Variants in MYH10 observed in about 807,000 individuals in gnomAD.
The protein encoded by MYH10 is myosin heavy chain 10.
A neutral mutation model predicts 257.8 loss-of-function variants in MYH10; 55 were observed. The ratio of observed to expected loss-of-function variants is 0.21; its 90% CI spans 0.17 to 0.27. MYH10 has a LOEUF of 0.27. Ranked by LOEUF, MYH10 falls within the 10% of genes least tolerant of loss-of-function variation. The pLI, the probability that MYH10 is intolerant of heterozygous loss-of-function variation, is 1.00. For synonymous variants in MYH10, 854 were observed against 921.7 expected, an observed-to-expected ratio of 0.93 and a Z score of 1.33; for missense variants, 1,631 against 2,500.6, an observed-to-expected ratio of 0.65 and a Z score of 7.42.
chr17:8,562,133 C>T (rs2151984301), intron 7 of MYH10, among the ~76,000 whole-genome samples: 1 of 152,332 alleles, frequency 6.6e-6, no homozygotes, highest in South Asian at 2.1e-4. Flanking sequence ...AGATATTTTA[C>T]AAGACATAGC....
intron 2 of MYH10, among the ~76,000 whole-genome samples, chr17:8,615,271 C>G (rs2085213654): frequency 6.6e-6 from 1 of 151,020 alleles, no homozygotes; most frequent in Non-Finnish European, 1.5e-5. Flanking sequence ...GAGTGAGAAC[C>G]TATCTCAAAA....
chr17:8,480,374 C>G, intron 39 of MYH10, 28 bp downstream of exon 39: 1 of 1,613,206 alleles, frequency 6.2e-7, no homozygotes, highest in Non-Finnish European at 8.5e-7. Flanking sequence ...ACAGCCCTCC[C>G]TGGGTGACGG....
At chr17:8,577,180 T>C in intron 5 of MYH10, 56 bp downstream of exon 5, 1 of 1,425,980 alleles carries the variant, frequency 7.0e-7, no homozygotes, top group East Asian at 2.3e-5. Context: ...CTTATTTTTG[T>C]TTCTGAAATT....
At chr17:8,584,577 T>C (rs965850407) in intron 4 of MYH10, among the ~76,000 whole-genome samples, 3 of 152,142 alleles carry the variant, frequency 2.0e-5, no homozygotes, top group African/African-American at 7.2e-5. Context: ...AGTTATAGTG[T>C]CTAGTGTATG....
Position 8,591,921 on chromosome 17 carries a change from G to A in MYH10, c.503-2813C>T, listed in dbSNP as rs1393886144. On this transcript the variant is annotated intron_variant, in intron 3 of 42. Transcript: ENST00000360416. ...CCTCCCAGATTCTCTCCAACTCTGT[G>A]ATCAACTCCCCACCTCTGCTTCACT... Among the ~76,000 whole-genome samples, 3 of 152,298 alleles carry A rather than the reference G, an allele frequency of 2.0e-5. 1 individual carries two copies. Among genetic ancestry groups the A allele is most frequent in the South Asian group, 4.2e-4 (2 of 4,814 alleles).
intron 7 of MYH10, among the ~76,000 whole-genome samples, chr17:8,566,125 C>G (rs1160954969): frequency 6.6e-6 from 1 of 152,120 alleles, no homozygotes; most frequent in African/African-American, 2.4e-5. Context: ...CCCAGTTAAA[C>G]AAAGAAAGAT....
At chr17:8,579,286 A>T (rs956430737) in intron 4 of MYH10, among the ~76,000 whole-genome samples, 6 of 152,164 alleles carry the variant, frequency 3.9e-5, no homozygotes, top group African/African-American at 7.2e-5. Context: ...CTAAAAAAAA[A>T]AAAAAAATTG....
At chr17:8,520,856 A>T in intron 19 of MYH10, 22 bp downstream of exon 19, 2 of 1,582,442 alleles carry the variant, frequency 1.3e-6, no homozygotes, top group South Asian at 2.3e-5. Context: ...ACATAAGCAA[A>T]AAAAGTAAAA....
At chr17:8,568,731 G>C (rs1473707975) in intron 7 of MYH10, among the ~76,000 whole-genome samples, 1 of 152,022 alleles carries the variant, frequency 6.6e-6, no homozygotes, top group Non-Finnish European at 1.5e-5. Context: ...AGGAATGTCC[G>C]TTGTGTTGAA....
At chr17:8,514,091 C>G (rs2081384666) in intron 21 of MYH10, among the ~76,000 whole-genome samples, 197 bp from the exon 22 acceptor site, 1 of 152,166 alleles carries the variant, frequency 6.6e-6, no homozygotes, top group African/African-American at 2.4e-5. Flanking sequence ...GCCTGCTCAG[C>G]CCACCTCAGG....
chr17:8,540,131 A>G (rs1030654098), intron 14 of MYH10, among the ~76,000 whole-genome samples: 13 of 152,194 alleles, frequency 8.5e-5, no homozygotes, highest in Admixed American at 7.2e-4. Context: ...CCGAGACTAC[A>G]GGCACATGCC....
At chr17:8,485,560 A>G (rs574060603) in intron 36 of MYH10, among the ~76,000 whole-genome samples, 15 of 152,150 alleles carry the variant, frequency 9.9e-5, no homozygotes, top group African/African-American at 3.6e-4. Context: ...TTTCAACTCA[A>G]TAATTAAAAG....
chr17:8,602,630 G>T (rs1319561839), intron 3 of MYH10, among the ~76,000 whole-genome samples: 1 of 152,124 alleles, frequency 6.6e-6, no homozygotes, highest in Non-Finnish European at 1.5e-5. Context: ...TTCATTTTCT[G>T]TATCAAACTT....
At chr17:8,607,817 A>AAAAGAG (rs1276354785) in intron 2 of MYH10, among the ~76,000 whole-genome samples, 1 of 152,220 alleles carries the variant, frequency 6.6e-6, no homozygotes, top group Non-Finnish European at 1.5e-5. Context: ...CAAAGCACCA[A>AAAAGAG]AAAGAGAAAG....
At chr17:8,486,139 G>A (rs549149488) in intron 36 of MYH10, among the ~76,000 whole-genome samples, 55 of 152,316 alleles carry the variant, frequency 3.6e-4, no homozygotes, top group African/African-American at 1.1e-3. Context: ...TATAGAGACT[G>A]AAAGATTAGT....
Position 8,513,858 on chromosome 17 carries a change from T to C in MYH10, c.2541A>G (p.Leu847=), listed in dbSNP as rs2081376817. 6.2e-7 allele frequency: 1 copy of C among 1,614,118 alleles called. No homozygotes were observed. The highest frequency in any genetic ancestry group is 1.3e-5 in the African/African-American group (1 of 74,948). Residue 847 remains leucine, a synonymous_variant, in exon 22 of 43, where the codon TTA becomes TTG. Coordinates refer to ENST00000360416, the MANE Select transcript of MYH10 (RefSeq NM_001256012.3). ...FAKKQQQLSA[L]KVLQRNCAAY... ...CGGCACAGTTCCGCTGCAAGACCTT[T>C]AAGGCACTTAGTTGCTGCTGCTTCT...
intron 40 of MYH10, 122 bp from the exon 41 acceptor site, chr17:8,478,568 C>G: frequency 1.2e-6 from 1 of 836,204 alleles, no homozygotes; most frequent in Non-Finnish European, 1.9e-6. Context: ...ATGGACCTCT[C>G]TGTCCAGAAT....
At chr17:8,557,126 A>G (rs1394204303) in intron 7 of MYH10, among the ~76,000 whole-genome samples, 1 of 152,140 alleles carries the variant, frequency 6.6e-6, no homozygotes, top group Non-Finnish European at 1.5e-5. Context: ...AAAAATGAGT[A>G]GTCAGTTTGG....
Position 8,478,234 on chromosome 17 carries a change from A to G in MYH10, c.5706+104T>C. On this transcript the variant is annotated intron_variant, in intron 41 of 42. Transcript: ENST00000360416. The stretch of plus-strand genomic sequence containing the variant: ...AACAGCCCACGTTAGCTGAAACATC[A>G]GAATCGGGAGGGCCCTGAATTCCAC... 4 of 976,864 alleles carry G rather than the reference A, an allele frequency of 4.1e-6. No homozygotes were observed. The South Asian group carries it at 5.7e-5, about 14-fold the overall frequency. The allele number at this position is 976,864 out of a possible 1,614,324, so 60.5% of individuals were successfully genotyped here.
Sources: allele counts gnomAD v4.1 joint callset (sites outside exome capture counted in the v4.1 genomes callset), GRCh38; gene constraint gnomAD v4.1.1; transcripts MANE v1.5; gene names NCBI Gene and HGNC (gene_info 2026-07-23, HGNC 2026-07-21).